PARD3B: variants seen among roughly 807,000 people sequenced by gnomAD.
The protein encoded by PARD3B is par-3 family cell polarity regulator beta, also known as partitioning defective 3 homolog B.
A neutral mutation model predicts 130.2 loss-of-function variants in PARD3B; 103 were observed. That is an observed-to-expected ratio of 0.79 (90% CI 0.67 to 0.93). The LOEUF (loss-of-function observed/expected upper bound fraction) is 0.93, where lower values mean the gene tolerates loss of function less well. Among genes scored for constraint, PARD3B ranks in the 40% least tolerant of loss-of-function variants. The probability of loss-of-function intolerance (pLI) is 0.00; values close to 1 mark genes in which losing one functional copy is unlikely to be tolerated. For missense variants in PARD3B, 1,609 were observed against 1,499.2 expected (o/e 1.07, Z -1.21); for synonymous variants, 583 against 553.2 (o/e 1.05, Z -0.76).
intron 1 of PARD3B, among the ~76,000 whole-genome samples, chr2:204,569,298 A>G (rs2031857398): frequency 6.6e-6 from 1 of 152,218 alleles, no homozygotes; most frequent in African/African-American, 2.4e-5. Context: ...TCTTTACAAT[A>G]TGACATCTTT....
chr2:204,645,143 A>G (rs1387966295), intron 1 of PARD3B, among the ~76,000 whole-genome samples: 1 of 152,166 alleles, frequency 6.6e-6, no homozygotes, highest in African/African-American at 2.4e-5. Context: ...ACAGTCACCC[A>G]TATCCTGTCA....
chr2:205,456,167 A>G (rs2048267755), intron 20 of PARD3B, among the ~76,000 whole-genome samples: 1 of 152,040 alleles, frequency 6.6e-6, no homozygotes. Context: ...TGGATGCACT[A>G]TTTGCTTAAT....
chr2:205,138,334 C>T (rs1393826319), intron 10 of PARD3B, among the ~76,000 whole-genome samples: 4 of 152,126 alleles, frequency 2.6e-5, no homozygotes, highest in African/African-American at 4.8e-5. Flanking sequence ...AACATTGTGG[C>T]TCTTGACATA....
chr2:204,630,694 A>G (rs372213543), intron 1 of PARD3B, among the ~76,000 whole-genome samples: 4 of 152,128 alleles, frequency 2.6e-5, no homozygotes, highest in African/African-American at 9.7e-5. Flanking sequence ...TCACATTTAC[A>G]TTAATATCTT....
intron 3 of PARD3B, among the ~76,000 whole-genome samples, chr2:205,042,142 C>G (rs1389942355): frequency 1.3e-5 from 2 of 152,130 alleles, no homozygotes; most frequent in Admixed American, 6.5e-5. Context: ...TTGTTTTCCT[C>G]AAACTGAATT....
At chr2:205,172,984 C>A (rs2035260385) in intron 12 of PARD3B, among the ~76,000 whole-genome samples, 1 of 151,970 alleles carries the variant, frequency 6.6e-6, no homozygotes, top group Admixed American at 6.6e-5. Flanking sequence ...ATATTCCTAA[C>A]ATTATACATA....
At chr2:204,716,359 A>G (rs2038725047) in intron 2 of PARD3B, among the ~76,000 whole-genome samples, 1 of 152,070 alleles carries the variant, frequency 6.6e-6, no homozygotes, top group African/African-American at 2.4e-5. Flanking sequence ...GCATTGTAAC[A>G]ATAACCCTAG....
chr2:204,725,586 C>T (rs751010027), intron 2 of PARD3B, among the ~76,000 whole-genome samples: 4 of 152,106 alleles, frequency 2.6e-5, no homozygotes, highest in Non-Finnish European at 2.9e-5. Flanking sequence ...GACATCCACT[C>T]GTCATCTTCA....
In PARD3B at chr2:204,864,728, G is replaced by A. The variant is rs115032663; in HGVS notation, c.223-100424G>A. Among the ~76,000 whole-genome samples the A allele has an allele frequency of 3.5e-3, 532 of 152,270 alleles. 2 individuals carry two copies. Among genetic ancestry groups the A allele is most frequent in the African/African-American group, 0.012 (499 of 41,542 alleles). ...ACTTTTGAATGTAAACTTTGAGACA[G>A]AGGACATTGTCTGATTTTCTTACCA... On this transcript the variant is annotated intron_variant, in intron 2 of 22. Transcript: ENST00000406610.
chr2:205,479,895 ATTTTT>A (rs71032475), intron 20 of PARD3B, among the ~76,000 whole-genome samples: 1 of 127,832 alleles, frequency 7.8e-6, no homozygotes, highest in Admixed American at 7.6e-5. Flanking sequence ...GCCATATGCA[ATTTTT>A]TTTTTTTTTT....
At chr2:205,155,682 A>G (rs2034073957) in intron 10 of PARD3B, among the ~76,000 whole-genome samples, 1 of 152,274 alleles carries the variant, frequency 6.6e-6, no homozygotes, top group African/African-American at 2.4e-5. Flanking sequence ...AAGTGTTCCT[A>G]TTTCTCCACA....
At position 205,021,619 on chromosome 2, in the gene PARD3B, T is replaced by C. The variant is rs902492559; in HGVS notation, c.395-25962T>C. Among the ~76,000 whole-genome samples, 1,957 of 140,602 alleles carry C rather than the reference T, an allele frequency of 0.014. 47 individuals carry two copies. Among genetic ancestry groups the C allele is most frequent in the African/African-American group, 0.048 (1,836 of 38,088 alleles). 92.2% of individuals were successfully genotyped at this position (140,602 alleles called of 152,430 possible). ...TTCTCTCTCTCTCTCTCTCTCTCTC[T>C]CCCTCTCTCTTTCTCTCTCTCTCTC... On this transcript the variant is annotated intron_variant, in intron 3 of 22. Coordinates refer to ENST00000406610, the MANE Select transcript of PARD3B (RefSeq NM_001302769.2). The surrounding 1 kb of genome is among the most constrained non-coding windows in gnomAD (Gnocchi z 4.5).
intron 2 of PARD3B, among the ~76,000 whole-genome samples, chr2:204,923,999 C>T (rs1233211138): frequency 6.6e-6 from 1 of 151,964 alleles, no homozygotes; most frequent in Admixed American, 6.6e-5. Flanking sequence ...GTATTTGATG[C>T]ATGATATTTC....
At chr2:205,369,188 G>A (rs1415796617) in intron 18 of PARD3B, among the ~76,000 whole-genome samples, 2 of 152,194 alleles carry the variant, frequency 1.3e-5, no homozygotes, top group Non-Finnish European at 2.9e-5. Context: ...AAATACATTA[G>A]TAATAGTGTG....
At chr2:205,492,024 T>G (rs1380531125) in intron 20 of PARD3B, among the ~76,000 whole-genome samples, 5 of 152,202 alleles carry the variant, frequency 3.3e-5, no homozygotes, top group Admixed American at 6.5e-5. Context: ...TGGACCAGTT[T>G]CTCAGGTTGC....
intron 2 of PARD3B, among the ~76,000 whole-genome samples, chr2:204,828,791 A>T (rs1407823146): frequency 1.3e-5 from 2 of 152,184 alleles, no homozygotes; most frequent in African/African-American, 2.4e-5. Flanking sequence ...CTCATCAAAG[A>T]GTTAGCTACT....
chr2:204,743,890 T>G (rs1387575639), intron 2 of PARD3B, among the ~76,000 whole-genome samples: 1 of 152,114 alleles, frequency 6.6e-6, no homozygotes, highest in Non-Finnish European at 1.5e-5. Flanking sequence ...CTCATTTCTT[T>G]CACTGAGAAG....
intron 18 of PARD3B, among the ~76,000 whole-genome samples, chr2:205,307,456 G>C (rs1483112490): frequency 3.3e-5 from 5 of 152,094 alleles, no homozygotes; most frequent in Non-Finnish European, 5.9e-5. Flanking sequence ...TAGTTTCTCT[G>C]TATGCTCTGT....
At chr2:204,875,824 A>G (rs774578191) in intron 2 of PARD3B, among the ~76,000 whole-genome samples, 4 of 152,218 alleles carry the variant, frequency 2.6e-5, no homozygotes, top group Admixed American at 6.5e-5. Flanking sequence ...ATCTTACAGT[A>G]TGTCATTGGT....
Sources: gnomAD v4.1 joint callset for allele counts (sites outside exome capture counted in the v4.1 genomes callset) on GRCh38, gnomAD v4.1.1 for gene constraint, Gnocchi (gnomAD v3.1) non-coding constraint, MANE v1.5 for transcripts, NCBI Gene and HGNC (gene_info 2026-07-23, HGNC 2026-07-21) for gene names.